Variants in IMMP2L observed in about 807,000 individuals in gnomAD.
IMMP2L encodes the protein inner mitochondrial membrane peptidase subunit 2.
A neutral mutation model predicts 19.3 loss-of-function variants in IMMP2L; 18 were observed. That is an observed-to-expected ratio of 0.93 (90% CI 0.64 to 1.38). The LOEUF (loss-of-function observed/expected upper bound fraction) is 1.38, where lower values mean the gene tolerates loss of function less well. Among genes scored for constraint, IMMP2L ranks in the 40% most tolerant of loss-of-function variants. The probability of loss-of-function intolerance (pLI) is 0.00; values close to 1 mark genes in which losing one functional copy is unlikely to be tolerated. For missense variants in IMMP2L, 233 were observed against 218.2 expected, an observed-to-expected ratio of 1.07 and a Z score of -0.43; for synonymous variants, 76 against 73.0, an observed-to-expected ratio of 1.04 and a Z score of -0.21.
intron 5 of IMMP2L, among the ~76,000 whole-genome samples, chr7:110,796,966 G>A (rs557441767): frequency 6.6e-6 from 1 of 152,058 alleles, no homozygotes; most frequent in East Asian, 1.9e-4. Flanking sequence ...GTAAGCCTCT[G>A]GTTTGTAGAG....
At chr7:110,946,426 G>A (rs931162903) in intron 4 of IMMP2L, among the ~76,000 whole-genome samples, 2 of 152,042 alleles carry the variant, frequency 1.3e-5, no homozygotes, top group African/African-American at 4.8e-5. Flanking sequence ...AAACTCCCAT[G>A]TCTCTATATC....
chr7:111,086,266 GA>G lies in IMMP2L; in HGVS notation c.240-122702del, dbSNP rs569989200. Among the ~76,000 whole-genome samples, 699 of 129,234 alleles carry G rather than the reference GA, an allele frequency of 5.4e-3. 3 individuals are homozygous for G. The highest frequency in any genetic ancestry group is 0.017 in the African/African-American group (601 of 35,800). 84.8% of individuals were successfully genotyped at this position (129,234 alleles called of 152,430 possible). A position where few individuals can be genotyped will look rare whatever the true frequency, so the allele number is the denominator to read the frequency against. ...CATCTCTACTCAAAGAAAAAAAAAA[GA>G]AAAAAAAAAAAGAAAAAGAAAAATC... On this transcript the variant is annotated intron_variant, in intron 3 of 5. Transcript: ENST00000405709.
rs745697135 is a variant in IMMP2L, at chr7:110,963,569, G to T, written c.240-4C>A. 6.4e-7 allele frequency: 1 copy of T among 1,555,400 alleles called. No individual in the cohort carries two copies. Among genetic ancestry groups the T allele is most frequent in the Non-Finnish European group, 8.8e-7 (1 of 1,131,036 alleles). ...CTGTTCTGGGTTTTTAGGAGACCTAGAACAAGAAGATAACATTATACAATC... is the reference window on the plus strand; with the variant it reads ...CTGTTCTGGGTTTTTAGGAGACCTATAACAAGAAGATAACATTATACAATC... On this transcript the variant is annotated splice_region_variant and splice_polypyrimidine_tract_variant and intron_variant, in intron 3 of 5. Coordinates refer to ENST00000405709, the MANE Select transcript of IMMP2L (RefSeq NM_032549.4).
At chr7:110,824,696 T>A (rs1356825737) in intron 5 of IMMP2L, among the ~76,000 whole-genome samples, 1 of 152,104 alleles carries the variant, frequency 6.6e-6, no homozygotes, top group Non-Finnish European at 1.5e-5. Context: ...GATCTTTACC[T>A]ATGTGCATGC....
At chr7:111,041,452 A>C (rs1315981344) in intron 3 of IMMP2L, among the ~76,000 whole-genome samples, 3 of 151,970 alleles carry the variant, frequency 2.0e-5, no homozygotes, top group African/African-American at 7.3e-5. Context: ...ATGATCTCTT[A>C]ACTGCCAGAT....
At position 111,541,077 on chromosome 7, in the gene IMMP2L, T is replaced by G. The variant is rs551143849; in HGVS notation, c.-2-19628A>C. Among the ~76,000 whole-genome samples, 3 of 152,310 alleles carry G rather than the reference T, an allele frequency of 2.0e-5. No homozygotes were observed. The South Asian group carries it at 6.2e-4, about 32-fold the overall frequency. ...TGGATTCAAGTCTTAGCTATGCCAA[T>G]GAGTAAGCAATTTGAATAGATGACC... On this transcript the variant is annotated intron_variant, in intron 1 of 5. Coordinates refer to ENST00000405709, the MANE Select transcript of IMMP2L (RefSeq NM_032549.4).
chr7:111,484,528 G>A (rs951338956), intron 3 of IMMP2L, among the ~76,000 whole-genome samples: 6 of 151,872 alleles, frequency 4.0e-5, no homozygotes, highest in Non-Finnish European at 7.4e-5. Flanking sequence ...GCTTTAAATC[G>A]AACATTTTAA....
At chr7:110,814,021 T>C (rs58783052) in intron 5 of IMMP2L, among the ~76,000 whole-genome samples, 13,473 of 152,058 alleles carry the variant, frequency 0.089, 915 homozygotes, top group African/African-American at 0.19. Context: ...TATGAGTATA[T>C]TAACTAAAGA....
At chr7:110,675,473 G>A (rs569182930) in intron 5 of IMMP2L, among the ~76,000 whole-genome samples, 61 of 152,178 alleles carry the variant, frequency 4.0e-4, no homozygotes, top group African/African-American at 1.1e-3. Flanking sequence ...CAAGGTTGTC[G>A]CATCAGAAAA....
chr7:111,125,000 A>G (rs1801143473), intron 3 of IMMP2L: 1 of 868,774 alleles, frequency 1.2e-6, no homozygotes. Flanking sequence ...CAAACAAAAA[A>G]GTAAAAAAAG....
intron 3 of IMMP2L, among the ~76,000 whole-genome samples, chr7:111,389,450 T>C (rs957269055): frequency 2.6e-5 from 4 of 152,172 alleles, no homozygotes; most frequent in African/African-American, 9.6e-5. Flanking sequence ...TGAGATTATG[T>C]AGGGAAATGT....
chr7:111,202,974 T>C (rs534241135), intron 3 of IMMP2L, among the ~76,000 whole-genome samples: 25 of 152,238 alleles, frequency 1.6e-4, no homozygotes, highest in African/African-American at 5.8e-4. Flanking sequence ...CCCTAAACTA[T>C]AAACATTAAT....
intron 1 of IMMP2L, among the ~76,000 whole-genome samples, chr7:111,531,766 A>G (rs1242425046): frequency 6.6e-6 from 1 of 152,190 alleles, no homozygotes; most frequent in Non-Finnish European, 1.5e-5. Flanking sequence ...ATATGTATAT[A>G]AATGAAACAG....
intron 5 of IMMP2L, among the ~76,000 whole-genome samples, chr7:110,799,922 A>C (rs1348156735): frequency 2.6e-5 from 4 of 152,102 alleles, no homozygotes; most frequent in Non-Finnish European, 5.9e-5. Context: ...AAATCACTCC[A>C]TGACAATGAG....
chr7:111,336,136 A>G (rs116744399), intron 3 of IMMP2L, among the ~76,000 whole-genome samples: 3,262 of 151,922 alleles, frequency 0.021, 123 homozygotes, highest in African/African-American at 0.074. Context: ...TGCAGCCTCA[A>G]ACTCCCAGGA....
intron 1 of IMMP2L, among the ~76,000 whole-genome samples, chr7:111,523,554 T>C (rs1846553888): frequency 6.6e-6 from 1 of 152,128 alleles, no homozygotes; most frequent in Non-Finnish European, 1.5e-5. Context: ...GGGCTATATG[T>C]ATGCAAGGTA....
intron 5 of IMMP2L, among the ~76,000 whole-genome samples, chr7:110,828,179 T>C (rs575436510): frequency 1.3e-5 from 2 of 152,284 alleles, no homozygotes; most frequent in South Asian, 4.1e-4. Context: ...TGCTCTGCCC[T>C]TGTAGTGTGA....
chr7:111,307,842 A>C (rs1344195507), intron 3 of IMMP2L, among the ~76,000 whole-genome samples: 1 of 151,836 alleles, frequency 6.6e-6, no homozygotes, highest in Non-Finnish European at 1.5e-5. Context: ...TCTTGTTGTT[A>C]GGTGTAAATC....
At chr7:110,909,217 C>G (rs1329729009) in intron 4 of IMMP2L, among the ~76,000 whole-genome samples, 2 of 152,124 alleles carry the variant, frequency 1.3e-5, no homozygotes, top group African/African-American at 2.4e-5. Context: ...GAGTGGTGAG[C>G]TGGGACCAAA....
Sources: allele counts gnomAD v4.1 joint callset (sites outside exome capture counted in the v4.1 genomes callset), GRCh38; gene constraint gnomAD v4.1.1; transcripts MANE v1.5; gene names NCBI Gene and HGNC (gene_info 2026-07-23, HGNC 2026-07-21).